The following ANKRD36 variants were observed in gnomAD, a reference collection of about 807,000 sequenced individuals.
ANKRD36 encodes the protein ankyrin repeat domain-containing protein 36A.
In ANKRD36, 179 loss-of-function variants were observed where a neutral mutation model predicts 278.1. The ratio of observed to expected loss-of-function variants is 0.64; its 90% CI spans 0.57 to 0.73. The LOEUF (loss-of-function observed/expected upper bound fraction) is 0.73, where lower values mean the gene tolerates loss of function less well. ANKRD36 is among the 30% of genes least tolerant of loss of function. The pLI, the probability that ANKRD36 is intolerant of heterozygous loss-of-function variation, is 0.00. For missense variants in ANKRD36, 1,159 were observed against 1,956.7 expected (o/e 0.59, Z 7.69); for synonymous variants, 320 against 641.1 (o/e 0.50, Z 7.57).
intron 56 of ANKRD36, 38 bp downstream of exon 56, chr2:97,209,910 A>C (rs1457081618): frequency 6.5e-7 from 1 of 1,544,284 alleles, no homozygotes; most frequent in Non-Finnish European, 8.7e-7. Context: ...TGTTCAGTCC[A>C]GATAGGTAAG....
chr2:97,180,624 G>A lies in ANKRD36; in HGVS notation c.1735+691G>A, dbSNP rs545564386. On this transcript the variant is annotated intron_variant, in intron 24 of 75. Coordinates refer to ENST00000420699, the MANE Select transcript of ANKRD36 (RefSeq NM_001354587.1). The stretch of plus-strand genomic sequence containing the variant: ...CTACTATTAGGCATCAGGGACACAT[G>A]TTTTGTTGACTTTACTTATAAAAAT... Among the ~76,000 whole-genome samples the A allele has an allele frequency of 2.0e-5, 3 of 151,718 alleles. No homozygotes were observed. In the South Asian group the frequency reaches 6.3e-4, roughly 32 times the overall value.
intron 50 of ANKRD36, 112 bp from the exon 51 acceptor site, chr2:97,205,828 G>C (rs577218333): frequency 7.3e-7 from 1 of 1,371,376 alleles, no homozygotes; most frequent in Non-Finnish European, 1.0e-6. Flanking sequence ...AGCCATCAAA[G>C]CCTATGCTAA....
At chr2:97,183,127 TGGG>T (rs1559526529) in intron 26 of ANKRD36, among the ~76,000 whole-genome samples, 1 of 151,854 alleles carries the variant, frequency 6.6e-6, no homozygotes, top group East Asian at 1.9e-4. Context: ...CATTGATTCC[TGGG>T]TGTATGAGTT....
chr2:97,174,702 C>G (rs973662621), intron 22 of ANKRD36, among the ~76,000 whole-genome samples: 2 of 151,802 alleles, frequency 1.3e-5, no homozygotes, highest in Middle Eastern at 3.4e-3. Context: ...CTGTCTTGTG[C>G]CAGTTTTCAA....
intron 56 of ANKRD36, among the ~76,000 whole-genome samples, chr2:97,210,195 G>A (rs532083497): frequency 1.3e-5 from 2 of 151,936 alleles, no homozygotes; most frequent in South Asian, 2.1e-4. Context: ...AGGATAAAGA[G>A]AGGAAGTATA....
chr2:97,224,557 C>G (rs1286407874), intron 66 of ANKRD36, among the ~76,000 whole-genome samples: 1 of 151,712 alleles, frequency 6.6e-6, no homozygotes, highest in Non-Finnish European at 1.5e-5. Flanking sequence ...TCACGCCATT[C>G]TCCTGCACCA....
intron 10 of ANKRD36, among the ~76,000 whole-genome samples, chr2:97,145,449 A>G (rs1431254623): frequency 6.6e-6 from 1 of 152,060 alleles, no homozygotes; most frequent in Non-Finnish European, 1.5e-5. Flanking sequence ...ATATGCATAC[A>G]TTGGCTTTGT....
chr2:97,170,693 T>C (rs1201500936), intron 22 of ANKRD36, among the ~76,000 whole-genome samples: 1 of 151,512 alleles, frequency 6.6e-6, no homozygotes, highest in Non-Finnish European at 1.5e-5. Flanking sequence ...AAAGACAAAA[T>C]TGACAAATGG....
chr2:97,224,162 G>T (rs1367009208), intron 66 of ANKRD36, among the ~76,000 whole-genome samples: 1 of 151,248 alleles, frequency 6.6e-6, no homozygotes, highest in Non-Finnish European at 1.5e-5. Flanking sequence ...GTGAAGTAAA[G>T]AACAGTGTGC....
intron 67 of ANKRD36, among the ~76,000 whole-genome samples, chr2:97,231,356 G>A (rs2071996656): frequency 6.6e-6 from 1 of 152,162 alleles, no homozygotes; most frequent in East Asian, 1.9e-4. Flanking sequence ...CCCTCCCCCA[G>A]CCTCACTGCC....
In ANKRD36 at chr2:97,179,803, T is replaced by C. The variant is rs1179380138; in HGVS notation, c.1662+37T>C. On this transcript the variant is annotated intron_variant, in intron 23 of 75. Coordinates refer to ENST00000420699, the MANE Select transcript of ANKRD36 (RefSeq NM_001354587.1). ...CTCATTTATATGTTGAACTATTAAC[T>C]GTATAGTCTATGAAACCTACTTTAC... 5 of 1,597,776 alleles carry C rather than the reference T, an allele frequency of 3.1e-6. No homozygotes were observed. The African/African-American group carries it at 5.4e-5, about 17-fold the overall frequency.
chr2:97,183,827 A>G lies in ANKRD36; in HGVS notation c.1939+173A>G, dbSNP rs188583367. Among the ~76,000 whole-genome samples the G allele has an allele frequency of 2.1e-4, 32 of 151,814 alleles. No homozygotes were observed. In the East Asian group the frequency reaches 4.3e-3, roughly 20 times the overall value. Reference sequence around the variant, plus strand: ...GTGCTGATGCTGCTGGTCCTTGGCCATGATCTTAGTAACAAGCTTGTAGAG... The same window carrying G: ...GTGCTGATGCTGCTGGTCCTTGGCCGTGATCTTAGTAACAAGCTTGTAGAG... On this transcript the variant is annotated intron_variant, in intron 28 of 75. Transcript: ENST00000420699.
At chr2:97,233,242 A>AT (rs1375887035) in intron 67 of ANKRD36, among the ~76,000 whole-genome samples, 1 of 148,782 alleles carries the variant, frequency 6.7e-6, no homozygotes, top group Non-Finnish European at 1.5e-5. Context: ...AGGTAAGCAT[A>AT]TTACAAGTAA....
At chr2:97,224,476 C>T (rs528930782) in intron 66 of ANKRD36, among the ~76,000 whole-genome samples, 161 of 145,990 alleles carry the variant, frequency 1.1e-3, no homozygotes, top group African/African-American at 3.6e-3. Context: ...GAGACACAGT[C>T]TCGCTCTGCC....
At position 97,205,990 on chromosome 2, in the gene ANKRD36, T is replaced by A. The variant is rs200762485; in HGVS notation, c.3090+22T>A. On this transcript the variant is annotated intron_variant, in intron 51 of 75. Transcript: ENST00000420699. ...GAAGGTAATGAAACTCCCATTTATA[T>A]TGTGAACGAGTTAATATATGGTCTA... 8.2e-3 allele frequency: 12,785 copies of A among 1,550,332 alleles called. 225 individuals are homozygous for A. Among genetic ancestry groups the A allele is most frequent in the Non-Finnish European group, 7.5e-3 (8,630 of 1,151,056 alleles).
At chr2:97,146,907 T>C (rs2044403087) in intron 11 of ANKRD36, among the ~76,000 whole-genome samples, 1 of 151,922 alleles carries the variant, frequency 6.6e-6, no homozygotes, top group Admixed American at 6.6e-5. Context: ...TTGTTATATA[T>C]TAACTCTCTT....
In ANKRD36 at chr2:97,180,149, T is replaced by C. The variant is rs570652933; in HGVS notation, c.1735+216T>C. 1.9e-3 allele frequency among the ~76,000 whole-genome samples: 294 copies of C among 151,626 alleles called. 1 individual carries two copies. Among genetic ancestry groups the C allele is most frequent in the Non-Finnish European group, 3.2e-3 (215 of 67,790 alleles). On this transcript the variant is annotated intron_variant, in intron 24 of 75. Transcript: ENST00000420699. ...ATTGTAGACTTCCCTACATTGAAAT[T>C]GGGAAGAAAAACCATTGGAGAGAAG...
intron 57 of ANKRD36, 44 bp downstream of exon 57, chr2:97,211,618 T>C: frequency 6.3e-7 from 1 of 1,595,846 alleles, no homozygotes; most frequent in Non-Finnish European, 8.5e-7. Context: ...AACTGTATAG[T>C]ATATGAAATA....
chr2:97,208,769 G>A (rs1308077998), intron 54 of ANKRD36, among the ~76,000 whole-genome samples: 10 of 146,594 alleles, frequency 6.8e-5, no homozygotes, highest in Admixed American at 1.3e-4. Context: ...GAGCTACCTC[G>A]TGGATAAAAT....
Sources: gnomAD v4.1 joint callset for allele counts (sites outside exome capture counted in the v4.1 genomes callset) on GRCh38, gnomAD v4.1.1 for gene constraint, MANE v1.5 for transcripts, NCBI Gene and HGNC (gene_info 2026-07-23, HGNC 2026-07-21) for gene names.